Variants in HLCS observed in about 807,000 individuals in gnomAD.
HLCS encodes the protein holocarboxylase synthetase.
HLCS carries 53 observed loss-of-function variants against 75.0 expected under a neutral mutation model. That is an observed-to-expected ratio of 0.71 (90% CI 0.57 to 0.89). HLCS has a LOEUF of 0.89. HLCS is among the 40% of genes least tolerant of loss of function. The probability of loss-of-function intolerance (pLI) is 0.00; values close to 1 mark genes in which losing one functional copy is unlikely to be tolerated. For synonymous variants in HLCS, 431 were observed against 428.6 expected (o/e 1.01, Z -0.07); for missense variants, 966 against 1,074.0 (o/e 0.90, Z 1.41).
intron 6 of HLCS, among the ~76,000 whole-genome samples, chr21:36,866,205 G>A (rs1462310580): frequency 2.4e-5 from 1 of 42,138 alleles, no homozygotes; most frequent in African/African-American, 1.0e-4. Context: ...GGGCAGAGGT[G>A]GGGGAAGGGA....
intron 6 of HLCS, among the ~76,000 whole-genome samples, chr21:36,880,320 AG>A (rs1455723579): frequency 6.6e-6 from 1 of 152,208 alleles, no homozygotes; most frequent in Admixed American, 6.5e-5. Context: ...AGGCAGGAGA[AG>A]GAAGAAAAGA....
At chr21:36,864,649 G>A (rs1238167389) in intron 6 of HLCS, among the ~76,000 whole-genome samples, 1 of 152,134 alleles carries the variant, frequency 6.6e-6, no homozygotes, top group Non-Finnish European at 1.5e-5. Flanking sequence ...GTACAGAATG[G>A]ATCAAAATAT....
intron 6 of HLCS, among the ~76,000 whole-genome samples, chr21:36,876,217 G>A (rs1367739062): frequency 6.6e-6 from 1 of 152,172 alleles, no homozygotes; most frequent in Admixed American, 6.5e-5. Context: ...CAGCCTGCCA[G>A]GGCTGAATGA....
intron 6 of HLCS, among the ~76,000 whole-genome samples, chr21:36,845,257 G>T (rs190777127): frequency 6.6e-6 from 1 of 152,086 alleles, no homozygotes; most frequent in Non-Finnish European, 1.5e-5. Context: ...CGATCAAAGC[G>T]GGTTCCATAT....
intron 6 of HLCS, among the ~76,000 whole-genome samples, chr21:36,801,423 GA>G (rs898662158): frequency 6.6e-6 from 1 of 151,930 alleles, no homozygotes; most frequent in Non-Finnish European, 1.5e-5. Flanking sequence ...TCAAGAAAAG[GA>G]AAAAAACACA....
chr21:36,831,394 T>C (rs2062204775), intron 6 of HLCS, among the ~76,000 whole-genome samples: 1 of 152,082 alleles, frequency 6.6e-6, no homozygotes, highest in African/African-American at 2.4e-5. Context: ...GAAATAAAGT[T>C]ACTGGGCCGG....
At chr21:36,887,130 A>C (rs544371846) in intron 6 of HLCS, among the ~76,000 whole-genome samples, 1,410 of 6,286 alleles carry the variant, frequency 0.22, 24 homozygotes, top group African/African-American at 0.44. Context: ...ATTCTGTCTC[A>C]AAAAAAAAAA....
At chr21:36,796,996 A>C (rs2061045271) in intron 6 of HLCS, among the ~76,000 whole-genome samples, 1 of 151,956 alleles carries the variant, frequency 6.6e-6, no homozygotes, top group Non-Finnish European at 1.5e-5. Flanking sequence ...CCTCCCAAGT[A>C]GCTGGGACTA....
intron 6 of HLCS, among the ~76,000 whole-genome samples, chr21:36,893,093 G>A (rs1244384830): frequency 2.0e-5 from 3 of 151,576 alleles, no homozygotes; most frequent in African/African-American, 4.8e-5. Flanking sequence ...TTTTTGAGAT[G>A]GGAGTCTTGT....
chr21:36,893,748 T>G (rs949705358), intron 6 of HLCS, among the ~76,000 whole-genome samples: 2 of 152,182 alleles, frequency 1.3e-5, no homozygotes, highest in African/African-American at 4.8e-5. Flanking sequence ...TAATGCTCAC[T>G]TGCACCACTC....
At chr21:36,886,548 T>G (rs1212221540) in intron 6 of HLCS, among the ~76,000 whole-genome samples, 1 of 151,152 alleles carries the variant, frequency 6.6e-6, no homozygotes, top group African/African-American at 2.4e-5. Context: ...TTCGCTCCAC[T>G]CCAGGTGACA....
At chr21:36,877,302 C>G (rs2064019753) in intron 6 of HLCS, among the ~76,000 whole-genome samples, 1 of 151,692 alleles carries the variant, frequency 6.6e-6, no homozygotes, top group Non-Finnish European at 1.5e-5. Flanking sequence ...ATTTTTTTCT[C>G]TCTTTTTTTT....
At chr21:36,938,559 G>A (rs1424703815) in intron 3 of HLCS, among the ~76,000 whole-genome samples, 3 of 152,172 alleles carry the variant, frequency 2.0e-5, no homozygotes, top group Non-Finnish European at 4.4e-5. Context: ...GAATGCAGTG[G>A]CGTGATCATG....
chr21:36,754,449 G>A (rs1285220367), intron 10 of HLCS, 32 bp from the exon 11 acceptor site: 3 of 1,602,704 alleles, frequency 1.9e-6, no homozygotes, highest in South Asian at 1.1e-5. Flanking sequence ...CGGTCACTGG[G>A]AGGTGTCACA....
In HLCS at chr21:36,838,298, T is replaced by TCACACACACACACA. The variant is rs148428941; in HGVS notation, c.1892+58548_1892+58561dup. ...TTTCTTTCTGCAGTGGGGTGAATGA[T>TCACACACACACACA]CACACACACACACACACACACACAC... On this transcript the variant is annotated intron_variant, in intron 6 of 10. Coordinates refer to ENST00000674895, the MANE Select transcript of HLCS (RefSeq NM_001352514.2). Among the ~76,000 whole-genome samples, 165 of 127,348 alleles carry TCACACACACACACA rather than the reference T, an allele frequency of 1.3e-3. 2 individuals are homozygous for TCACACACACACACA. Among genetic ancestry groups the TCACACACACACACA allele is most frequent in the African/African-American group, 1.2e-3 (32 of 26,214 alleles). The allele number at this position is 127,348 out of a possible 152,430, so 83.5% of individuals were successfully genotyped here.
intron 6 of HLCS, among the ~76,000 whole-genome samples, chr21:36,850,445 G>A (rs1170797146): frequency 6.6e-6 from 1 of 152,136 alleles, no homozygotes; most frequent in Admixed American, 6.5e-5. Context: ...CAGGGAGTCT[G>A]AGAAAATCGG....
At chr21:36,838,225 C>T (rs2062481102) in intron 6 of HLCS, among the ~76,000 whole-genome samples, 1 of 151,842 alleles carries the variant, frequency 6.6e-6, no homozygotes, top group Non-Finnish European at 1.5e-5. Flanking sequence ...GCCCTCTTGC[C>T]CTTCTGCCCT....
At chr21:36,863,124 T>A (rs1015161017) in intron 6 of HLCS, among the ~76,000 whole-genome samples, 2 of 152,068 alleles carry the variant, frequency 1.3e-5, no homozygotes, top group Non-Finnish European at 2.9e-5. Context: ...TGTTCAGTCA[T>A]AAATATGAGT....
chr21:36,830,668 T>G (rs2062173482), intron 6 of HLCS, among the ~76,000 whole-genome samples: 1 of 151,608 alleles, frequency 6.6e-6, no homozygotes, highest in South Asian at 2.1e-4. Context: ...ACCCGAAACC[T>G]TGTCTCTAAA....
Sources: gnomAD v4.1 joint callset for allele counts (sites outside exome capture counted in the v4.1 genomes callset) on GRCh38, gnomAD v4.1.1 for gene constraint, MANE v1.5 for transcripts, NCBI Gene and HGNC (gene_info 2026-07-23, HGNC 2026-07-21) for gene names.